Variants in PKHD1L1 observed in about 807,000 individuals in gnomAD.
The protein encoded by PKHD1L1 is PKHD1 like 1.
A neutral mutation model predicts 462.9 loss-of-function variants in PKHD1L1; 434 were observed. That is an observed-to-expected ratio of 0.94 (90% CI 0.87 to 1.02). The LOEUF (loss-of-function observed/expected upper bound fraction) is 1.02, where lower values mean the gene tolerates loss of function less well. PKHD1L1 is among the 50% of genes least tolerant of loss of function. The probability of loss-of-function intolerance (pLI) is 0.00; values close to 1 mark genes in which losing one functional copy is unlikely to be tolerated. For synonymous variants in PKHD1L1, 1,781 were observed against 1,750.0 expected, an observed-to-expected ratio of 1.02 and a Z score of -0.44; for missense variants, 5,202 against 5,096.1, an observed-to-expected ratio of 1.02 and a Z score of -0.63.
rs1013796198 is a variant in PKHD1L1, at chr8:109,514,778, A to AT, written c.11554-384dup. Among the ~76,000 whole-genome samples the AT allele has an allele frequency of 2.0e-5, 3 of 152,004 alleles. No homozygotes were observed. In the South Asian group the frequency reaches 6.2e-4, roughly 32 times the overall value. ...TACCAAATTTTTCTCAGAGGTAATC[A>AT]TTTTTTTTCCAACGTTAAGTACCTA... On this transcript the variant is annotated intron_variant, in intron 71 of 77. Transcript: ENST00000378402.
At chr8:109,434,442 T>G (rs1234628405) in intron 28 of PKHD1L1, among the ~76,000 whole-genome samples, 1 of 151,910 alleles carries the variant, frequency 6.6e-6, no homozygotes, top group African/African-American at 2.4e-5. Flanking sequence ...TGGTGTTTTG[T>G]TTTTTGTTTT....
intron 50 of PKHD1L1, chr8:109,470,778 A>T (rs556871396): frequency 2.2e-4 from 342 of 1,526,768 alleles, no homozygotes; most frequent in Non-Finnish European, 3.0e-4. Context: ...GTTTTTTCAT[A>T]AATCAGTTTT....
rs1335322077 is a variant in PKHD1L1 at position 109,490,021 on chromosome 8, C to T, written c.9950C>T (p.Pro3317Leu). 1.2e-6 allele frequency: 2 copies of T among 1,608,046 alleles called. No individual in the cohort carries two copies. The change falls in exon 60 of 78, where the codon CCA becomes CTA. Residue 3317 changes from proline to leucine, a missense_variant. By Grantham distance (98) the Pro-to-Leu change is moderately conservative (BLOSUM62 -3). Coordinates refer to ENST00000378402, the MANE Select transcript of PKHD1L1 (RefSeq NM_177531.6). ...GAAGGCTTCAGGGATAGCACAGATC[C>T]AAGATATGCTGTAACGTTTCTTAAC... The part of the protein sequence containing the change: ...GQEGFRDSTD[P>L]RYAVTFLNLG...
At chr8:109,390,589 T>G in intron 9 of PKHD1L1, 95 bp downstream of exon 9, 24 of 656,426 alleles carry the variant, frequency 3.7e-5, no homozygotes, top group Non-Finnish European at 4.9e-5. Context: ...TGCAGAGGTT[T>G]AAAAATTAAC....
rs1816021450 is a variant in PKHD1L1 at position 109,444,754 on chromosome 8, A to G, written c.4885A>G (p.Ile1629Val). The G allele has an allele frequency of 6.2e-7, 1 of 1,614,042 alleles. No individual in the cohort carries two copies. Residue 1629 changes from isoleucine to valine, a missense_variant, in exon 38 of 78, where the codon ATC becomes GTC. Physicochemically the swap from Ile to Val is conservative, Grantham distance 29. Around this residue, in one of 3 missense-constraint regions of PKHD1L1, gnomAD observed 4,497 missense variants for 4,336.8 expected, o/e 1.04. Transcript: ENST00000378402. ...IDPQNSMDVG[I>V]RETVTLTVYN... ...CCCTCAAAACTCAATGGATGTTGGT[A>G]TCAGGGAAACTGTCACTTTGACTGT... is the stretch of plus-strand genomic sequence containing the variant.
Position 109,427,128 on chromosome 8 carries a change from G to A in PKHD1L1, c.2972G>A (p.Ser991Asn), listed in dbSNP as rs1814797633. 2 of 1,613,894 alleles carry A rather than the reference G, an allele frequency of 1.2e-6. No individual in the cohort carries two copies. The highest frequency in any genetic ancestry group is 2.2e-5 in the South Asian group (2 of 91,076). Residue 991 changes from serine to asparagine, a missense_variant, in exon 25 of 78, where the codon AGC (serine) becomes AAC (asparagine). Physicochemically the swap from Ser to Asn is conservative, Grantham distance 46 (BLOSUM62 1). This residue lies in a region of PKHD1L1 where 4,497 missense variants were observed against 4,336.8 expected (regional missense o/e 1.04). Coordinates refer to ENST00000378402, the MANE Select transcript of PKHD1L1 (RefSeq NM_177531.6). ...TACGCGTGGAACATCAAATGGAGAA[G>A]CACCTGCGGAAAGCAGAATCTTCTA... ...AGYAWNIKWR[S>N]TCGKQNLLQI... is the part of the protein sequence containing the mutation.
At chr8:109,470,951 G>A in intron 50 of PKHD1L1, 1 of 1,609,898 alleles carries the variant, frequency 6.2e-7, no homozygotes. Flanking sequence ...CAACAGTGGG[G>A]AGTTCCTCTT....
Position 109,381,231 on chromosome 8 carries a change from A to T in PKHD1L1, c.164-139A>T. On this transcript the variant is annotated intron_variant, in intron 2 of 77. Transcript: ENST00000378402. ...GCTTCCAAAGAAGATTACAATCATA[A>T]GGATAAATATGAAATAGGTTCACTG... The T allele has an allele frequency of 1.7e-5, 13 of 750,564 alleles. No individual in the cohort carries two copies. In the South Asian group the frequency reaches 2.5e-4, roughly 15 times the overall value. The allele number at this position is 750,564 out of a possible 1,614,324, so 46.5% of individuals were successfully genotyped here.
At position 109,523,406 on chromosome 8, in the gene PKHD1L1, T is replaced by C. The variant is rs1411825613; in HGVS notation, c.12484+20T>C. ...GAACAGGTGGGTGCACTATTTTGGATCCTCACATATATAGCCATAAATAGA... is the reference window on the plus strand; with the variant it reads ...GAACAGGTGGGTGCACTATTTTGGACCCTCACATATATAGCCATAAATAGA... On this transcript the variant is annotated intron_variant, in intron 76 of 77. Coordinates refer to ENST00000378402, the MANE Select transcript of PKHD1L1 (RefSeq NM_177531.6). 1 of 1,594,066 alleles carries C rather than the reference T, an allele frequency of 6.3e-7. No individual in the cohort carries two copies. The highest frequency in any genetic ancestry group is 8.6e-7 in the Non-Finnish European group (1 of 1,164,348).
In PKHD1L1 at chr8:109,443,098, G is replaced by A; in HGVS notation, c.4546G>A (p.Glu1516Lys). Residue 1516 changes from glutamate (E) to lysine (K), a missense_variant, in exon 36 of 78, where the codon GAA becomes AAA. Physicochemically the swap from Glu to Lys is moderately conservative, Grantham distance 56. Around this residue, in one of 3 missense-constraint regions of PKHD1L1, gnomAD observed 4,497 missense variants for 4,336.8 expected, o/e 1.04. Transcript: ENST00000378402. ...CTTGCACCTGTTTGTGGGTCGCTCTGAAGCCACATATGCTTATGGTAAGAT... is the reference window on the plus strand; with the variant it reads ...CTTGCACCTGTTTGTGGGTCGCTCTAAAGCCACATATGCTTATGGTAAGAT... ...IPLHLFVGRS[E>K]ATYAYGGPEN... 1 of 1,613,354 alleles carries A rather than the reference G, an allele frequency of 6.2e-7. No homozygotes were observed. The highest frequency in any genetic ancestry group is 8.5e-7 in the Non-Finnish European group (1 of 1,179,498).
chr8:109,375,053 G>C (rs1264768898), intron 2 of PKHD1L1, among the ~76,000 whole-genome samples: 1 of 152,170 alleles, frequency 6.6e-6, no homozygotes, highest in Non-Finnish European at 1.5e-5. Context: ...GGCCTGCCTT[G>C]CTAGATTGGG....
chr8:109,444,726 T>C lies in PKHD1L1; in HGVS notation c.4857T>C (p.Ile1619=). 1 of 1,613,912 alleles carries C rather than the reference T, an allele frequency of 6.2e-7. No homozygotes were observed. The highest frequency in any genetic ancestry group is 8.5e-7 in the Non-Finnish European group (1 of 1,179,786). ...GTGAGGATTCAATTACATGTCATATTGACCCTCAAAACTCAATGGATGTTG... is the reference window on the plus strand; with the variant it reads ...GTGAGGATTCAATTACATGTCATATCGACCCTCAAAACTCAATGGATGTTG... The part of the protein sequence containing the change: ...ESSEDSITCH[I]DPQNSMDVGI... Residue 1619 remains isoleucine (I), a synonymous_variant, in exon 38 of 78, where the codon ATT becomes ATC. Coordinates refer to ENST00000378402, the MANE Select transcript of PKHD1L1 (RefSeq NM_177531.6).
intron 76 of PKHD1L1, among the ~76,000 whole-genome samples, chr8:109,526,522 T>C (rs1463346324): frequency 6.6e-6 from 1 of 152,166 alleles, no homozygotes; most frequent in Non-Finnish European, 1.5e-5. Context: ...AGGAAGGGGC[T>C]CTAAGAAGCA....
chr8:109,400,267 G>A lies in PKHD1L1; in HGVS notation c.1204G>A (p.Asp402Asn). ...TGGATTTTTGGTGGCTCCAGATTCT[G>A]ATGTTTATAGATTCTACATCAAGGG... is the stretch of plus-strand genomic sequence containing the variant. ...FSGFLVAPDSDVYRFYIKGDD... is the reference protein window; with the variant it reads ...FSGFLVAPDSNVYRFYIKGDD... The change falls in exon 13 of 78, where the codon GAT becomes AAT. Residue 402 changes from aspartate to asparagine, a missense_variant. Asp to Asn is a conservative substitution (Grantham distance 23). Coordinates refer to ENST00000378402, the MANE Select transcript of PKHD1L1 (RefSeq NM_177531.6). The A allele has an allele frequency of 1.2e-6, 2 of 1,613,594 alleles. No individual in the cohort carries two copies. The highest frequency in any genetic ancestry group is 1.7e-6 in the Non-Finnish European group (2 of 1,179,630).
chr8:109,424,354 T>A (rs1814628514), intron 23 of PKHD1L1, among the ~76,000 whole-genome samples: 3 of 152,180 alleles, frequency 2.0e-5, no homozygotes, highest in African/African-American at 7.2e-5. Flanking sequence ...ATTGAACAAC[T>A]TTTGCATTAT....
intron 67 of PKHD1L1, among the ~76,000 whole-genome samples, chr8:109,503,013 A>C (rs1265206060): frequency 6.6e-6 from 1 of 152,218 alleles, no homozygotes; most frequent in Non-Finnish European, 1.5e-5. Flanking sequence ...TCTTTAGAGA[A>C]GACAGCAGCT....
At chr8:109,409,522 TA>T in intron 18 of PKHD1L1, among the ~76,000 whole-genome samples, 1 of 152,302 alleles carries the variant, frequency 6.6e-6, no homozygotes. Context: ...AAAAAGTATT[TA>T]TTTGGAATCT....
rs756898598 is a variant in PKHD1L1 at position 109,408,077 on chromosome 8, A to T, written c.1842A>T (p.Val614=). The T allele has an allele frequency of 6.2e-6, 10 of 1,610,180 alleles. No homozygotes were observed. The highest frequency in any genetic ancestry group is 8.5e-6 in the Non-Finnish European group (10 of 1,177,784). The change falls in exon 18 of 78, where the codon GTA becomes GTT. Residue 614 remains valine, a synonymous_variant. Coordinates refer to ENST00000378402, the MANE Select transcript of PKHD1L1 (RefSeq NM_177531.6). ...RGDFDLLGYE[V]VEGNNVTLDI... The stretch of plus-strand genomic sequence containing the variant: ...ACTTTGATCTGCTTGGTTATGAAGT[A>T]GTTGAAGGGAATAATGTCACACTGG...
rs142174614 is a variant in PKHD1L1, at chr8:109,394,769, A to G, written c.811+284A>G. ...GCATGTTTCAACTTTGGCTATTGGTAGAGGGAGGGAAAAAATCTCCACTGT... is the reference window on the plus strand; with the variant it reads ...GCATGTTTCAACTTTGGCTATTGGTGGAGGGAGGGAAAAAATCTCCACTGT... On this transcript the variant is annotated intron_variant, in intron 10 of 77. Transcript: ENST00000378402. Among the ~76,000 whole-genome samples the G allele has an allele frequency of 6.5e-3, 986 of 152,328 alleles. 7 individuals are homozygous for G. Among genetic ancestry groups the G allele is most frequent in the Middle Eastern group, 0.051 (15 of 294 alleles).
Sources: gnomAD v4.1 joint callset for allele counts (sites outside exome capture counted in the v4.1 genomes callset) on GRCh38, gnomAD v4.1.1 for gene constraint, gnomAD v4.1.1 regional missense constraint, MANE v1.5 for transcripts, NCBI Gene and HGNC (gene_info 2026-07-23, HGNC 2026-07-21) for gene names.